PRKCE: variants seen among roughly 807,000 people sequenced by gnomAD.
PRKCE encodes the protein protein kinase C epsilon.
A neutral mutation model predicts 85.4 loss-of-function variants in PRKCE; 16 were observed. The ratio of observed to expected loss-of-function variants is 0.19; its 90% confidence interval spans 0.13 to 0.28. PRKCE has a LOEUF of 0.28. PRKCE is among the 10% of genes least tolerant of loss of function. The probability of loss-of-function intolerance (pLI) is 1.00; values close to 1 mark genes in which losing one functional copy is unlikely to be tolerated. For missense variants in PRKCE, 573 were observed against 975.2 expected (o/e 0.59, Z 5.49); for synonymous variants, 388 against 371.5 (o/e 1.04, Z -0.51).
intron 1 of PRKCE, among the ~76,000 whole-genome samples, chr2:45,682,660 C>A (rs755423314): frequency 6.6e-5 from 10 of 152,306 alleles, no homozygotes; most frequent in Middle Eastern, 3.4e-3. Context: ...GATCTCCACT[C>A]ACTGTAACCT....
At chr2:46,064,168 G>C (rs542867657) in intron 10 of PRKCE, among the ~76,000 whole-genome samples, 2 of 151,484 alleles carry the variant, frequency 1.3e-5, no homozygotes, top group East Asian at 2.0e-4. Context: ...TGTAATCCCA[G>C]CTACTCAGGA....
intron 2 of PRKCE, among the ~76,000 whole-genome samples, chr2:45,910,684 C>G (rs959355232): frequency 2.0e-5 from 3 of 152,146 alleles, no homozygotes; most frequent in Non-Finnish European, 4.4e-5. Flanking sequence ...TCAGTAAACA[C>G]TAGATTCTTT....
chr2:45,926,464 C>T (rs1274137014), intron 2 of PRKCE, among the ~76,000 whole-genome samples: 2 of 152,088 alleles, frequency 1.3e-5, no homozygotes. Flanking sequence ...GTGGTAATGG[C>T]GGTGATAGTG....
intron 1 of PRKCE, among the ~76,000 whole-genome samples, chr2:45,730,621 G>A (rs553952500): frequency 1.2e-3 from 177 of 150,874 alleles, no homozygotes; most frequent in African/African-American, 4.3e-3. Flanking sequence ...CACCACACCT[G>A]GCTAATTTTT....
intron 2 of PRKCE, among the ~76,000 whole-genome samples, chr2:45,871,173 G>A (rs906401309): frequency 5.3e-5 from 8 of 152,230 alleles, no homozygotes; most frequent in African/African-American, 1.9e-4. Flanking sequence ...CCACAGAGAT[G>A]GAAGCCCCCT....
intron 2 of PRKCE, among the ~76,000 whole-genome samples, chr2:45,853,317 G>A (rs1384324762): frequency 1.3e-5 from 2 of 152,192 alleles, no homozygotes; most frequent in Non-Finnish European, 2.9e-5. Context: ...GTTCTTCCAA[G>A]ATGAGAACAA....
At chr2:45,752,681 CCTCCT>C (rs774425330) in intron 1 of PRKCE, among the ~76,000 whole-genome samples, 1 of 152,046 alleles carries the variant, frequency 6.6e-6, no homozygotes, top group Non-Finnish European at 1.5e-5. Context: ...CATATGCTGC[CCTCCT>C]CTCATCTCCT....
At chr2:46,057,452 T>C (rs1371786183) in intron 10 of PRKCE, among the ~76,000 whole-genome samples, 1 of 151,752 alleles carries the variant, frequency 6.6e-6, no homozygotes, top group African/African-American at 2.4e-5. Context: ...TTTTTTTTTT[T>C]GAGTCGGAGT....
At chr2:45,818,453 C>T (rs935247890) in intron 1 of PRKCE, among the ~76,000 whole-genome samples, 2 of 152,188 alleles carry the variant, frequency 1.3e-5, no homozygotes, top group African/African-American at 4.8e-5. Context: ...CCCTGGGTCT[C>T]AATCATCCTA....
chr2:45,869,733 T>A (rs62127222), intron 2 of PRKCE, among the ~76,000 whole-genome samples: 19,641 of 137,142 alleles, frequency 0.14, 1,739 homozygotes, highest in East Asian at 0.36. Context: ...TTTGAGTTGG[T>A]GTCTCACTCT....
intron 2 of PRKCE, among the ~76,000 whole-genome samples, chr2:45,957,669 C>T (rs1008714579): frequency 1.3e-5 from 2 of 151,828 alleles, no homozygotes; most frequent in African/African-American, 4.8e-5. Flanking sequence ...GAAGCACTTT[C>T]GGAGGCCAAG....
chr2:45,966,316 T>A (rs1443085671), intron 2 of PRKCE, among the ~76,000 whole-genome samples: 1 of 152,154 alleles, frequency 6.6e-6, no homozygotes, highest in Non-Finnish European at 1.5e-5. Flanking sequence ...TGAGATACTA[T>A]CTCGCACGTG....
intron 10 of PRKCE, among the ~76,000 whole-genome samples, chr2:46,014,717 C>G (rs912892594): frequency 3.3e-5 from 5 of 152,188 alleles, no homozygotes. Flanking sequence ...CAACTCTGAA[C>G]TCATGCCAAT....
At chr2:46,182,814 C>G (rs964046722) in intron 14 of PRKCE, among the ~76,000 whole-genome samples, 78 of 152,230 alleles carry the variant, frequency 5.1e-4, no homozygotes, top group Non-Finnish European at 1.0e-3. Context: ...TACTGGCAGG[C>G]CTTTCCGGCT....
At chr2:46,061,622 C>T (rs1667132538) in intron 10 of PRKCE, among the ~76,000 whole-genome samples, 1 of 152,022 alleles carries the variant, frequency 6.6e-6, no homozygotes. Flanking sequence ...AAAGAGGAAT[C>T]CTCCCTTTAC....
intron 2 of PRKCE, among the ~76,000 whole-genome samples, chr2:45,969,456 C>A (rs1701961345): frequency 6.6e-6 from 1 of 152,192 alleles, no homozygotes; most frequent in African/African-American, 2.4e-5. Context: ...GCATCCAGTG[C>A]CAGCAGCGAG....
chr2:46,149,721 ATATGTATTTATATATATG>A (rs1439714888), intron 12 of PRKCE, among the ~76,000 whole-genome samples: 2 of 12,698 alleles, frequency 1.6e-4, no homozygotes, highest in African/African-American at 2.0e-4. Flanking sequence ...ATTTTTATAT[ATATGTATTTATATATATG>A]TATTTATATA....
intron 2 of PRKCE, among the ~76,000 whole-genome samples, chr2:45,898,780 C>G (rs1478344757): frequency 6.6e-6 from 1 of 152,090 alleles, no homozygotes; most frequent in South Asian, 2.1e-4. Context: ...TAGGGTGGCT[C>G]TGAGGAGGGA....
intron 2 of PRKCE, among the ~76,000 whole-genome samples, chr2:45,915,169 G>A (rs539711731): frequency 3.3e-5 from 5 of 152,182 alleles, no homozygotes; most frequent in East Asian, 1.9e-4. Context: ...GATTACAGGC[G>A]TGAGCCACTG....
Sources: gnomAD v4.1 joint callset for allele counts (sites outside exome capture counted in the v4.1 genomes callset) on GRCh38, gnomAD v4.1.1 for gene constraint, MANE v1.5 for transcripts, NCBI Gene and HGNC (gene_info 2026-07-23, HGNC 2026-07-21) for gene names.